Variants in OSBPL1A observed in about 807,000 individuals in gnomAD.
OSBPL1A encodes oxysterol binding protein like 1A.
OSBPL1A carries 80 observed loss-of-function variants against 137.1 expected under a neutral mutation model. The observed-to-expected ratio is 0.58, with a 90% confidence interval of 0.49 to 0.70. The LOEUF (loss-of-function observed/expected upper bound fraction) is 0.70, where lower values mean the gene tolerates loss of function less well. OSBPL1A is among the 30% of genes least tolerant of loss of function. The pLI, the probability that OSBPL1A is intolerant of heterozygous loss-of-function variation, is 0.00. For synonymous variants in OSBPL1A, 365 were observed against 389.7 expected, an observed-to-expected ratio of 0.94 and a Z score of 0.75; for missense variants, 970 against 1,129.4, an observed-to-expected ratio of 0.86 and a Z score of 2.02.
chr18:24,195,254 G>T (rs1410324358), intron 18 of OSBPL1A, among the ~76,000 whole-genome samples: 1 of 151,976 alleles, frequency 6.6e-6, no homozygotes, highest in Admixed American at 6.6e-5. Context: ...TGAGCCATGA[G>T]GGCACCACTT....
intron 15 of OSBPL1A, among the ~76,000 whole-genome samples, chr18:24,242,318 A>AAAG (rs1417893204): frequency 1.3e-5 from 2 of 150,422 alleles, no homozygotes; most frequent in East Asian, 1.9e-4. Flanking sequence ...ACAAACAAAA[A>AAAG]AGATTCAGTT....
intron 1 of OSBPL1A, among the ~76,000 whole-genome samples, chr18:24,379,058 A>G (rs894576712): frequency 3.9e-5 from 6 of 152,328 alleles, no homozygotes; most frequent in African/African-American, 1.4e-4. Flanking sequence ...TAGATAATAA[A>G]TGACATTCTG....
intron 12 of OSBPL1A, among the ~76,000 whole-genome samples, chr18:24,313,236 T>C (rs906048255): frequency 2.6e-5 from 4 of 151,400 alleles, no homozygotes; most frequent in Admixed American, 2.0e-4. Flanking sequence ...AGGTCAGGAT[T>C]TCGAGACCAG....
chr18:24,298,213 TA>T (rs2090328053), intron 14 of OSBPL1A, among the ~76,000 whole-genome samples: 1 of 152,192 alleles, frequency 6.6e-6, no homozygotes, highest in South Asian at 2.1e-4. Context: ...GAGGCATGAA[TA>T]ATCCACCCCT....
At chr18:24,382,579 A>AT (rs1215208048) in intron 1 of OSBPL1A, among the ~76,000 whole-genome samples, 1 of 151,782 alleles carries the variant, frequency 6.6e-6, no homozygotes, top group South Asian at 2.1e-4. Flanking sequence ...TCTCAAAAAA[A>AT]TTTTTTTTAA....
intron 15 of OSBPL1A, chr18:24,272,014 C>CT: frequency 4.1e-6 from 4 of 981,528 alleles, no homozygotes; most frequent in Non-Finnish European, 4.8e-6. Flanking sequence ...CGGCGGGCGG[C>CT]TCCCTGCGCG....
At chr18:24,300,718 A>G (rs941738452) in intron 14 of OSBPL1A, among the ~76,000 whole-genome samples, 3 of 152,242 alleles carry the variant, frequency 2.0e-5, no homozygotes, top group Non-Finnish European at 1.5e-5. Context: ...AATTACAACT[A>G]TAAGCTCTGG....
intron 4 of OSBPL1A, among the ~76,000 whole-genome samples, chr18:24,359,975 G>A (rs2091596985): frequency 1.3e-5 from 2 of 152,114 alleles, no homozygotes; most frequent in Non-Finnish European, 2.9e-5. Flanking sequence ...TGTTTGTTCT[G>A]TTTTTGTTTG....
chr18:24,298,433 AC>A (rs1232363730), intron 14 of OSBPL1A, among the ~76,000 whole-genome samples: 1 of 151,840 alleles, frequency 6.6e-6, no homozygotes, highest in East Asian at 1.9e-4. Flanking sequence ...TGCAACCTCT[AC>A]CCCCCGGGTT....
At chr18:24,295,561 C>A (rs1029532327) in intron 14 of OSBPL1A, among the ~76,000 whole-genome samples, 6 of 152,178 alleles carry the variant, frequency 3.9e-5, no homozygotes, top group African/African-American at 1.2e-4. Context: ...AGTCTTTGAT[C>A]CATCTTGAGT....
intron 15 of OSBPL1A, among the ~76,000 whole-genome samples, chr18:24,258,737 C>T (rs1486178480): frequency 1.3e-5 from 2 of 151,870 alleles, no homozygotes; most frequent in South Asian, 2.1e-4. Flanking sequence ...TATCTATGTG[C>T]TCACAAAAAT....
intron 15 of OSBPL1A, among the ~76,000 whole-genome samples, chr18:24,251,436 A>G (rs967566405): frequency 5.9e-5 from 9 of 152,204 alleles, no homozygotes; most frequent in Admixed American, 1.3e-4. Context: ...TTTGGGAGAA[A>G]ATAAGGAAAA....
At chr18:24,184,101 C>T (rs2086680111) in intron 18 of OSBPL1A, among the ~76,000 whole-genome samples, 1 of 152,114 alleles carries the variant, frequency 6.6e-6, no homozygotes, top group South Asian at 2.1e-4. Context: ...TATGGACATA[C>T]CATGAACTAT....
intron 15 of OSBPL1A, chr18:24,272,008 G>A: frequency 3.1e-6 from 3 of 981,570 alleles, no homozygotes; most frequent in Non-Finnish European, 3.6e-6. Context: ...GGCCTGCGGC[G>A]GGCGGCTCCC....
At chr18:24,364,693 A>G (rs1230847954) in intron 4 of OSBPL1A, 1 of 152,044 alleles carries the variant, frequency 6.6e-6, no homozygotes, top group Admixed American at 6.6e-5. Context: ...CAGGCTGGTT[A>G]ATACATTTAA....
intron 14 of OSBPL1A, among the ~76,000 whole-genome samples, chr18:24,297,355 C>T (rs1034419586): frequency 3.3e-5 from 5 of 152,052 alleles, no homozygotes; most frequent in African/African-American, 9.7e-5. Flanking sequence ...TGTTTAATTT[C>T]GAATTAAGCT....
At chr18:24,310,630 A>G (rs1483578619) in intron 13 of OSBPL1A, among the ~76,000 whole-genome samples, 1 of 151,374 alleles carries the variant, frequency 6.6e-6, no homozygotes, top group Non-Finnish European at 1.5e-5. Context: ...AAAGAAAAAA[A>G]AAAAGAAGAA....
chr18:24,327,998 A>T (rs1166273763), intron 7 of OSBPL1A, among the ~76,000 whole-genome samples: 1 of 151,142 alleles, frequency 6.6e-6, no homozygotes, highest in Non-Finnish European at 1.5e-5. Flanking sequence ...AAAACTGCTC[A>T]AGTCTTTGGC....
chr18:24,313,168 C>T (rs751310844), intron 12 of OSBPL1A, among the ~76,000 whole-genome samples: 1 of 151,480 alleles, frequency 6.6e-6, no homozygotes, highest in African/African-American at 2.4e-5. Context: ...AAGGGCCGGG[C>T]GCGGTGGCTC....
Sources: gnomAD v4.1 joint callset for allele counts (sites outside exome capture counted in the v4.1 genomes callset) on GRCh38, gnomAD v4.1.1 for gene constraint, MANE v1.5 for transcripts, NCBI Gene and HGNC (gene_info 2026-07-23, HGNC 2026-07-21) for gene names.